STXBP5L: variants seen among roughly 807,000 people sequenced by gnomAD.
The protein encoded by STXBP5L is syntaxin-binding protein 5-like.
STXBP5L carries 65 observed loss-of-function variants against 144.5 expected under a neutral mutation model. That is an observed-to-expected ratio of 0.45 (90% confidence interval 0.37 to 0.55). STXBP5L has a LOEUF of 0.55. Among genes scored for constraint, STXBP5L ranks in the 20% least tolerant of loss-of-function variants. STXBP5L has a pLI of 0.00. For synonymous variants in STXBP5L, 505 were observed against 469.6 expected (o/e 1.08, Z -0.97); for missense variants, 1,298 against 1,405.5 (o/e 0.92, Z 1.22).
intron 20 of STXBP5L, among the ~76,000 whole-genome samples, chr3:121,322,029 GCC>G (rs895780869): frequency 6.6e-6 from 1 of 151,782 alleles, no homozygotes; most frequent in Admixed American, 6.6e-5. Flanking sequence ...CCCTCTAGTA[GCC>G]CCCAGTGTCT....
chr3:121,208,250 A>G (rs1479509471), intron 10 of STXBP5L, among the ~76,000 whole-genome samples: 2 of 147,936 alleles, frequency 1.4e-5, no homozygotes, highest in Non-Finnish European at 1.5e-5. Context: ...ACCAAACACC[A>G]CATGTTCTCA....
chr3:121,189,493 T>A (rs2047547674), intron 9 of STXBP5L, among the ~76,000 whole-genome samples: 1 of 152,190 alleles, frequency 6.6e-6, no homozygotes, highest in Admixed American at 6.5e-5. Flanking sequence ...TTTCCTCATT[T>A]CTTGCTTTTG....
chr3:120,971,940 T>C (rs1204685584), intron 3 of STXBP5L, among the ~76,000 whole-genome samples: 1 of 151,968 alleles, frequency 6.6e-6, no homozygotes, highest in African/African-American at 2.4e-5. Flanking sequence ...TGATGAGCAC[T>C]TAGATTGATT....
chr3:121,079,996 G>A (rs1037449279), intron 5 of STXBP5L, among the ~76,000 whole-genome samples: 5 of 152,048 alleles, frequency 3.3e-5, no homozygotes, highest in Non-Finnish European at 7.4e-5. Context: ...TAATATATTT[G>A]GGAGCTCCAG....
At chr3:121,239,578 A>T (rs2049597013) in intron 13 of STXBP5L, among the ~76,000 whole-genome samples, 1 of 151,554 alleles carries the variant, frequency 6.6e-6, no homozygotes, top group African/African-American at 2.4e-5. Flanking sequence ...TGAAATTGGA[A>T]AGCATCATTC....
intron 20 of STXBP5L, among the ~76,000 whole-genome samples, chr3:121,344,420 A>T (rs2044866286): frequency 6.6e-6 from 1 of 151,518 alleles, no homozygotes; most frequent in African/African-American, 2.4e-5. Flanking sequence ...AAATTAGAAT[A>T]CTATTAAGTG....
chr3:121,016,544 T>C (rs749479988), intron 3 of STXBP5L, among the ~76,000 whole-genome samples: 1 of 152,112 alleles, frequency 6.6e-6, no homozygotes, highest in Non-Finnish European at 1.5e-5. Flanking sequence ...AATAGAAACT[T>C]CTCAAATGGA....
At chr3:121,007,342 C>A (rs918584777) in intron 3 of STXBP5L, among the ~76,000 whole-genome samples, 2 of 151,740 alleles carry the variant, frequency 1.3e-5, no homozygotes, top group African/African-American at 4.8e-5. Flanking sequence ...CTGTAGCTTT[C>A]TTTTATGATA....
intron 20 of STXBP5L, among the ~76,000 whole-genome samples, chr3:121,324,900 G>C (rs1030143061): frequency 6.6e-6 from 1 of 151,972 alleles, no homozygotes; most frequent in Non-Finnish European, 1.5e-5. Context: ...CGCGGGTACG[G>C]TCAATAGAGA....
intron 10 of STXBP5L, among the ~76,000 whole-genome samples, chr3:121,218,042 A>G (rs1439362183): frequency 6.9e-6 from 1 of 144,006 alleles, no homozygotes. Context: ...ACTATATAAT[A>G]TACTATATAT....
At chr3:121,256,066 G>C (rs2050197465) in intron 16 of STXBP5L, among the ~76,000 whole-genome samples, 1 of 152,060 alleles carries the variant, frequency 6.6e-6, no homozygotes, top group Non-Finnish European at 1.5e-5. Context: ...CCATAAGTCA[G>C]TAGTAGAATG....
chr3:121,228,920 T>C (rs2049211726), intron 11 of STXBP5L, among the ~76,000 whole-genome samples: 1 of 152,160 alleles, frequency 6.6e-6, no homozygotes, highest in African/African-American at 2.4e-5. Flanking sequence ...CCTTTGTTGT[T>C]TTAACATAGG....
chr3:120,922,458 T>C (rs920441808), intron 2 of STXBP5L, among the ~76,000 whole-genome samples: 1 of 151,992 alleles, frequency 6.6e-6, no homozygotes, highest in African/African-American at 2.4e-5. Flanking sequence ...CCTTTATTTT[T>C]TTCTCTTGCC....
At chr3:121,052,197 T>C (rs1354020644) in intron 5 of STXBP5L, among the ~76,000 whole-genome samples, 3 of 151,944 alleles carry the variant, frequency 2.0e-5, no homozygotes, top group African/African-American at 7.3e-5. Context: ...TTCCAATCAA[T>C]AGAAAAAGAG....
chr3:120,958,502 ATCC>A (rs1349563116), intron 3 of STXBP5L, among the ~76,000 whole-genome samples: 2 of 109,764 alleles, frequency 1.8e-5, no homozygotes, highest in Non-Finnish European at 4.0e-5. Flanking sequence ...CAATGCAAAA[ATCC>A]TCAATATAAT....
chr3:121,099,996 G>A (rs892641973), intron 5 of STXBP5L, among the ~76,000 whole-genome samples: 1 of 152,072 alleles, frequency 6.6e-6, no homozygotes, highest in African/African-American at 2.4e-5. Context: ...CGTATAAAAG[G>A]ATAAAGAAGG....
intron 5 of STXBP5L, among the ~76,000 whole-genome samples, chr3:121,113,554 A>G (rs2044092421): frequency 6.6e-6 from 1 of 152,098 alleles, no homozygotes; most frequent in African/African-American, 2.4e-5. Flanking sequence ...TGTGCAGGGT[A>G]CTTTGAATAA....
intron 19 of STXBP5L, among the ~76,000 whole-genome samples, chr3:121,304,462 C>G (rs2043266722): frequency 6.6e-6 from 1 of 152,020 alleles, no homozygotes; most frequent in Non-Finnish European, 1.5e-5. Context: ...CAAGGATAGA[C>G]TGGGCGATAA....
intron 20 of STXBP5L, among the ~76,000 whole-genome samples, chr3:121,334,885 C>T (rs1343510566): frequency 6.6e-6 from 1 of 152,100 alleles, no homozygotes; most frequent in Non-Finnish European, 1.5e-5. Context: ...GGAAGCATTC[C>T]CCTTGAAAAC....
Sources: allele counts gnomAD v4.1 joint callset (sites outside exome capture counted in the v4.1 genomes callset), GRCh38; gene constraint gnomAD v4.1.1; transcripts MANE v1.5; gene names NCBI Gene and HGNC (gene_info 2026-07-23, HGNC 2026-07-21).